Variants in ITGA8 observed in about 807,000 individuals in gnomAD.
The protein encoded by ITGA8 is integrin alpha-8.
Under a neutral mutation model 142.3 loss-of-function variants are expected in ITGA8, and 91 were observed. The observed-to-expected ratio is 0.64, with a 90% CI of 0.54 to 0.76. ITGA8 has a LOEUF of 0.76. ITGA8 is among the 30% of genes least tolerant of loss of function. The pLI is 0.00. For synonymous variants in ITGA8, 505 were observed against 485.2 expected (o/e 1.04, Z -0.54); for missense variants, 1,406 against 1,327.7 (o/e 1.06, Z -0.92).
At chr10:15,656,290 A>T (rs903510385) in intron 10 of ITGA8, among the ~76,000 whole-genome samples, 1 of 152,144 alleles carries the variant, frequency 6.6e-6, no homozygotes, top group East Asian at 1.9e-4. Flanking sequence ...TATCGTGCTC[A>T]TAGTCAACAA....
intron 4 of ITGA8, among the ~76,000 whole-genome samples, chr10:15,682,053 A>C (rs544022620): frequency 6.6e-6 from 1 of 152,234 alleles, no homozygotes; most frequent in African/African-American, 2.4e-5. Flanking sequence ...GAGTCCGGGA[A>C]GTTTCTCTCT....
Position 15,716,615 on chromosome 10 carries a change from A to T in ITGA8, c.343+2151T>A, listed in dbSNP as rs111410493. 1.8e-4 allele frequency among the ~76,000 whole-genome samples: 28 copies of T among 152,170 alleles called. 1 individual carries two copies. The highest frequency in any genetic ancestry group is 6.3e-4 in the African/African-American group (26 of 41,538). On this transcript the variant is annotated intron_variant, in intron 2 of 29. Transcript: ENST00000378076. ...GCATTAGTTCTGTATGGGAGAGTGAATTCAAGGCTTCAAGCAATTGCTTTA... is the reference window on the plus strand; with the variant it reads ...GCATTAGTTCTGTATGGGAGAGTGATTTCAAGGCTTCAAGCAATTGCTTTA...
At chr10:15,698,800 G>A (rs1172070142) in intron 2 of ITGA8, among the ~76,000 whole-genome samples, 2 of 152,112 alleles carry the variant, frequency 1.3e-5, no homozygotes, top group Non-Finnish European at 2.9e-5. Context: ...TGTAGATTCT[G>A]GATATTATTA....
intron 25 of ITGA8, among the ~76,000 whole-genome samples, chr10:15,570,328 C>T (rs972696117): frequency 4.6e-5 from 7 of 151,964 alleles, no homozygotes; most frequent in African/African-American, 9.7e-5. Flanking sequence ...TAAGTGGGGG[C>T]GGGGCGCAGT....
In ITGA8 at chr10:15,644,488, ATATAGAAT is replaced by A. The variant is rs1564389089; in HGVS notation, c.1208-275_1208-268del. Among the ~76,000 whole-genome samples, 73 of 10,792 alleles carry A rather than the reference ATATAGAAT, an allele frequency of 6.8e-3. 3 individuals are homozygous for A. The highest frequency in any genetic ancestry group is 0.014 in the East Asian group (3 of 208). The allele number at this position is 10,792 out of a possible 152,430, so 7.1% of individuals were successfully genotyped here. ...TATATATATATATATATATATATAT[ATATAGAAT>A]TTTTTTTTTTTTTTGAGCAATGGGT... On this transcript the variant is annotated intron_variant, in intron 12 of 29. Coordinates refer to ENST00000378076, the MANE Select transcript of ITGA8 (RefSeq NM_003638.3).
At chr10:15,613,333 C>G (rs1230477967) in intron 15 of ITGA8, among the ~76,000 whole-genome samples, 1 of 152,126 alleles carries the variant, frequency 6.6e-6, no homozygotes, top group African/African-American at 2.4e-5. Context: ...TAAGAGCTAT[C>G]TCCAAGATTT....
chr10:15,603,696 G>T (rs902558107), intron 20 of ITGA8, among the ~76,000 whole-genome samples: 1 of 152,148 alleles, frequency 6.6e-6, no homozygotes, highest in South Asian at 2.1e-4. Context: ...GGCTGTTCCT[G>T]GTCATAATTC....
At chr10:15,680,821 T>G (rs1834723488) in intron 4 of ITGA8, among the ~76,000 whole-genome samples, 1 of 151,862 alleles carries the variant, frequency 6.6e-6, no homozygotes, top group Non-Finnish European at 1.5e-5. Context: ...CAGCTCCAAA[T>G]GTTTATTGTA....
intron 23 of ITGA8, among the ~76,000 whole-genome samples, 193 bp downstream of exon 23, chr10:15,586,391 T>C (rs557484719): frequency 3.3e-5 from 5 of 152,076 alleles, no homozygotes; most frequent in African/African-American, 1.2e-4. Context: ...ATTCTTGGAG[T>C]TAATTGTTAT....
chr10:15,657,522 T>C (rs1229556879), intron 10 of ITGA8, among the ~76,000 whole-genome samples: 1 of 146,622 alleles, frequency 6.8e-6, no homozygotes, highest in Non-Finnish European at 1.5e-5. Context: ...TTTTTTTTTT[T>C]TTTTTTTTTA....
intron 25 of ITGA8, among the ~76,000 whole-genome samples, chr10:15,570,790 C>A (rs556926489): frequency 3.0e-4 from 46 of 152,120 alleles, no homozygotes; most frequent in Middle Eastern, 3.4e-3. Context: ...ACATGGTGTA[C>A]ATTAAACCAG....
At chr10:15,542,914 C>G (rs949392535) in intron 27 of ITGA8, among the ~76,000 whole-genome samples, 2 of 152,150 alleles carry the variant, frequency 1.3e-5, no homozygotes, top group Non-Finnish European at 2.9e-5. Context: ...GACAAACATC[C>G]CTCTTTGGAA....
chr10:15,572,336 T>G lies in ITGA8; in HGVS notation c.2512A>C (p.Thr838Pro). The G allele has an allele frequency of 6.2e-7, 1 of 1,614,086 alleles. No homozygotes were observed. The highest frequency in any genetic ancestry group is 8.5e-7 in the Non-Finnish European group (1 of 1,179,982). The change falls in exon 25 of 30, where the codon ACC becomes CCC. Residue 838 changes from threonine (T) to proline (P), a missense_variant. Thr to Pro is a conservative substitution (Grantham distance 38, BLOSUM62 -1). Transcript: ENST00000378076. ...HNIGPSTISD[T>P]ILEVGWPFSA... Reference sequence around the variant, plus strand: ...AAAGGCCAGCCCACCTCCAGGATGGTGTCACTGATGGTACTTGGTCCAATA... The same window carrying G: ...AAAGGCCAGCCCACCTCCAGGATGGGGTCACTGATGGTACTTGGTCCAATA...
At chr10:15,652,218 C>G (rs1834099264) in intron 11 of ITGA8, among the ~76,000 whole-genome samples, 2 of 152,204 alleles carry the variant, frequency 1.3e-5, no homozygotes, top group South Asian at 2.1e-4. Flanking sequence ...TATAAACATT[C>G]TCACAAAACT....
At chr10:15,662,593 C>T (rs1469318461) in intron 8 of ITGA8, among the ~76,000 whole-genome samples, 1 of 152,034 alleles carries the variant, frequency 6.6e-6, no homozygotes, top group African/African-American at 2.4e-5. Flanking sequence ...CCTGCTTCGG[C>T]CTCCTAGAGT....
chr10:15,555,217 G>A (rs572610849), intron 26 of ITGA8, among the ~76,000 whole-genome samples: 5 of 152,132 alleles, frequency 3.3e-5, no homozygotes, highest in African/African-American at 9.7e-5. Flanking sequence ...TCTTTTAAAC[G>A]GCTTGCAATA....
chr10:15,579,990 A>C (rs11816580), intron 23 of ITGA8, among the ~76,000 whole-genome samples: 7,574 of 151,924 alleles, frequency 0.05, 214 homozygotes, highest in East Asian at 0.088. Context: ...AGAGCACGAG[A>C]AAGGATAACA....
Position 15,688,302 on chromosome 10 carries a change from CA to C in ITGA8, c.344-265del, listed in dbSNP as rs35060475. On this transcript the variant is annotated intron_variant, in intron 2 of 29. Transcript: ENST00000378076. The stretch of plus-strand genomic sequence containing the variant: ...AAACCCTGTCTCTACCAAAAAATAC[CA>C]AAAAAAAAAAAAAAAAAAAATGCTG... 0.11 allele frequency among the ~76,000 whole-genome samples: 12,488 copies of C among 112,698 alleles called. 588 individuals are homozygous for C. Among genetic ancestry groups the C allele is most frequent in the East Asian group, 0.19 (740 of 3,950 alleles). 73.9% of individuals were successfully genotyped at this position (112,698 alleles called of 152,430 possible).
At chr10:15,592,610 T>G (rs965396297) in intron 21 of ITGA8, among the ~76,000 whole-genome samples, 5 of 152,172 alleles carry the variant, frequency 3.3e-5, no homozygotes, top group Admixed American at 1.3e-4. Flanking sequence ...GTTGATTGAT[T>G]GATTGATTGA....
Sources: allele counts gnomAD v4.1 joint callset (sites outside exome capture counted in the v4.1 genomes callset), GRCh38; gene constraint gnomAD v4.1.1; transcripts MANE v1.5; gene names NCBI Gene and HGNC (gene_info 2026-07-23, HGNC 2026-07-21).